The following RGS11 variants were observed in gnomAD, a reference collection of about 807,000 sequenced individuals.
The protein encoded by RGS11 is regulator of G protein signaling 11.
Under a neutral mutation model 71.1 loss-of-function variants are expected in RGS11, and 86 were observed. That is an observed-to-expected ratio of 1.21 (90% CI 1.02 to 1.45). RGS11 has a LOEUF of 1.45. Among genes scored for constraint, RGS11 ranks in the 40% most tolerant of loss-of-function variants. The pLI is 0.00. For synonymous variants in RGS11, 298 were observed against 254.2 expected (o/e 1.17, Z -1.64); for missense variants, 734 against 635.1 (o/e 1.16, Z -1.67).
Position 269,224 on chromosome 16 carries a change from G to T in RGS11, c.*45C>A. ...CGGGGGTGGCTGCTGCATTCACGCA[G>T]GACGTTGAGCTGCAGGGACTAGAGT... On this transcript the variant is annotated 3_prime_UTR_variant, in exon 17 of 17. Coordinates refer to ENST00000397770, the MANE Select transcript of RGS11 (RefSeq NM_183337.3). The T allele has an allele frequency of 2.2e-6, 3 of 1,363,254 alleles. No homozygotes were observed. Among genetic ancestry groups the T allele is most frequent in the Non-Finnish European group, 3.1e-6 (3 of 977,264 alleles). The allele number at this position is 1,363,254 out of a possible 1,614,324, so 84.4% of individuals were successfully genotyped here. A position where few individuals can be genotyped will look rare whatever the true frequency, so the allele number is the denominator to read the frequency against.
intron 1 of RGS11, 94 bp downstream of exon 1, chr16:275,755 C>T: frequency 4.3e-6 from 1 of 233,070 alleles, no homozygotes; most frequent in Non-Finnish European, 5.7e-6. Context: ...GCCCGCCCCG[C>T]CCCGCGCGCC....
In RGS11 at chr16:268,683, G is replaced by C; in HGVS notation, c.*586C>G. ...CCGGCGCACCTGTGGACAAATTCTG[G>C]AACGCGTTTGGCGAGGGAGGAATAG... On this transcript the variant is annotated 3_prime_UTR_variant, in exon 17 of 17. Coordinates refer to ENST00000397770, the MANE Select transcript of RGS11 (RefSeq NM_183337.3). 1 of 1,364,642 alleles carries C rather than the reference G, an allele frequency of 7.3e-7. No individual in the cohort carries two copies. The highest frequency in any genetic ancestry group is 1.0e-6 in the Non-Finnish European group (1 of 997,022). 84.5% of individuals were successfully genotyped at this position (1,364,642 alleles called of 1,614,324 possible). A position where few individuals can be genotyped will look rare whatever the true frequency, so the allele number is the denominator to read the frequency against.
Position 268,902 on chromosome 16 carries a change from G to A in RGS11, c.*367C>T, listed in dbSNP as rs751213654. ...CTGTGCATCTTGCTTCCGGGTATTC[G>A]CTGGCTGATTTACTGGTTTTAGAGA... On this transcript the variant is annotated 3_prime_UTR_variant, in exon 17 of 17. Coordinates refer to ENST00000397770, the MANE Select transcript of RGS11 (RefSeq NM_183337.3). 4.0e-5 allele frequency: 62 copies of A among 1,550,404 alleles called. No homozygotes were observed. The highest frequency in any genetic ancestry group is 5.0e-5 in the Non-Finnish European group (57 of 1,146,982).
intron 1 of RGS11, 88 bp downstream of exon 1, chr16:275,761 G>A: frequency 4.2e-6 from 1 of 240,190 alleles, no homozygotes; most frequent in East Asian, 7.8e-5. Context: ...CCCGCCCCGC[G>A]CGCCCCCGTG....
intron 6 of RGS11, 42 bp from the exon 7 acceptor site, chr16:273,878 C>A: frequency 6.3e-7 from 1 of 1,579,570 alleles, no homozygotes; most frequent in Non-Finnish European, 8.7e-7. Context: ...CCGGCCCCTG[C>A]CCCCAGTGAG....
intron 12 of RGS11, 30 bp from the exon 13 acceptor site, chr16:271,129 G>A (rs1335997718): frequency 6.2e-7 from 1 of 1,603,968 alleles, no homozygotes; most frequent in South Asian, 1.1e-5. Flanking sequence ...GTTGGGGAGG[G>A]TGGGGACTGA....
At chr16:274,631 C>A (rs753558058) in intron 4 of RGS11, 30 of 633,396 alleles carry the variant, frequency 4.7e-5, no homozygotes, top group Non-Finnish European at 7.6e-5. Context: ...TTAGGGAGGG[C>A]AGGAATGCTG....
chr16:273,003 C>CT (rs2052006039), intron 8 of RGS11, 72 bp from the exon 9 acceptor site: 1 of 1,327,902 alleles, frequency 7.5e-7, no homozygotes, highest in Non-Finnish European at 1.0e-6. Context: ...TAAGTTCCCC[C>CT]TCCCAGACCC....
Position 270,440 on chromosome 16 carries a change from G to A in RGS11, c.1206+83C>T, listed in dbSNP as rs2051876567. The A allele has an allele frequency of 1.1e-5, 16 of 1,460,624 alleles. No individual in the cohort carries two copies. In the South Asian group the frequency reaches 1.7e-4, roughly 16 times the overall value. The allele number at this position is 1,460,624 out of a possible 1,614,324, so 90.5% of individuals were successfully genotyped here. A position where few individuals can be genotyped will look rare whatever the true frequency, so the allele number is the denominator to read the frequency against. The stretch of plus-strand genomic sequence containing the variant: ...CAGAGTCAACGTGGGCAGTGCCTGT[G>A]CGGACAGAGCCCTTGAGGGTGGGGA... On this transcript the variant is annotated intron_variant, in intron 15 of 16. Coordinates refer to ENST00000397770, the MANE Select transcript of RGS11 (RefSeq NM_183337.3).
Position 273,518 on chromosome 16 carries a change from A to T in RGS11, c.545T>A (p.Ile182Asn). The T allele has an allele frequency of 6.4e-7, 1 of 1,558,154 alleles. No individual in the cohort carries two copies. Among genetic ancestry groups the T allele is most frequent in the South Asian group, 1.2e-5 (1 of 84,662 alleles). ...KQRSKGDRLV[I>N]ACQEQTYWLV... is the part of the protein sequence containing the mutation. ...CCAGTAGGTCTGCTCCTGGCACGCA[A>T]TGACCAGCCTGTCCCCCTTGCTGCG... The change falls in exon 8 of 17, where the codon ATT (isoleucine) becomes AAT (asparagine). Residue 182 changes from isoleucine to asparagine, a missense_variant. Transcript: ENST00000397770.
chr16:272,056 G>C (rs959218891), intron 9 of RGS11: 10 of 577,568 alleles, frequency 1.7e-5, no homozygotes, highest in Non-Finnish European at 2.4e-5. Flanking sequence ...AGCTGGTCTC[G>C]AACTCCTGAA....
At position 275,283 on chromosome 16, in the gene RGS11, C is replaced by T. The variant is rs2052118618; in HGVS notation, c.211G>A (p.Glu71Lys). ...LAQKFCVSEE[E>K]ALHLGAVLVQ... Reference sequence around the variant, plus strand: ...GCCCAGTGGGAGGCAGGGCGCTCACCCTCCTCCGAGACGCAGAACTTCTGG... The same window carrying T: ...GCCCAGTGGGAGGCAGGGCGCTCACTCTCCTCCGAGACGCAGAACTTCTGG... Residue 71 changes from glutamate to lysine, a missense_variant and splice_region_variant, in exon 3 of 17, where the codon GAG becomes AAG. Glu to Lys is a moderately conservative substitution (Grantham distance 56). Transcript: ENST00000397770. The T allele has an allele frequency of 1.2e-6, 2 of 1,612,466 alleles. No homozygotes were observed. Among genetic ancestry groups the T allele is most frequent in the Admixed American group, 1.7e-5 (1 of 60,002 alleles).
At position 270,784 on chromosome 16, in the gene RGS11, C is replaced by T. The variant is rs1326999895; in HGVS notation, c.1027G>A (p.Ala343Thr). The change falls in exon 14 of 17, where the codon GCG becomes ACG. Residue 343 changes from alanine (A) to threonine (T), a missense_variant. Ala to Thr is a moderately conservative substitution (Grantham distance 58). Transcript: ENST00000397770. ...ACCAGGGTGGGGACCTGGGCCTGCG[C>T]TCCATATCGAAGCTCCTCACATGCC... The part of the protein sequence containing the change: ...WEACEELRYG[A>T]QAQVPTLVDA... The T allele has an allele frequency of 5.0e-6, 8 of 1,612,618 alleles. No homozygotes were observed. Among genetic ancestry groups the T allele is most frequent in the Middle Eastern group, 1.6e-4 (1 of 6,062 alleles).
intron 14 of RGS11, 30 bp from the exon 15 acceptor site, chr16:270,691 C>A (rs528916891): frequency 1.4e-5 from 22 of 1,608,864 alleles, no homozygotes; most frequent in Non-Finnish European, 1.9e-5. Context: ...TGGGTAGTCT[C>A]GGCTGGGTGC....
intron 6 of RGS11, 58 bp from the exon 7 acceptor site, chr16:273,894 G>C (rs1567240032): frequency 1.9e-6 from 3 of 1,544,516 alleles, no homozygotes; most frequent in Non-Finnish European, 1.8e-6. Flanking sequence ...GTGAGACTGT[G>C]TGGGCAGTTG....
chr16:275,478 G>A lies in RGS11; in HGVS notation c.84C>T (p.Ser28=). 1 of 1,583,600 alleles carries A rather than the reference G, an allele frequency of 6.3e-7. No homozygotes were observed. Among genetic ancestry groups the A allele is most frequent in the Non-Finnish European group, 8.5e-7 (1 of 1,172,682 alleles). The change falls in exon 2 of 17, where the codon AGC becomes AGT. Residue 28 remains serine, a synonymous_variant. Coordinates refer to ENST00000397770, the MANE Select transcript of RGS11 (RefSeq NM_183337.3). Reference sequence around the variant, plus strand: ...TCACGCCCTGGTCGGGGTCCTGCATGCTCACGACCACCCGCTCCATCTGGG... The same window carrying A: ...TCACGCCCTGGTCGGGGTCCTGCATACTCACGACCACCCGCTCCATCTGGG... ...HLRKMERVVV[S]MQDPDQGVKM... is the part of the protein sequence containing the mutation.
At position 275,851 on chromosome 16, in the gene RGS11, TC is replaced by T; in HGVS notation, c.60del (p.Lys21ArgfsTer7). The T allele has an allele frequency of 9.4e-7, 1 of 1,059,970 alleles. No homozygotes were observed. The highest frequency in any genetic ancestry group is 1.2e-6 in the Non-Finnish European group (1 of 864,852). 65.7% of individuals were successfully genotyped at this position (1,059,970 alleles called of 1,614,324 possible). A position where few individuals can be genotyped will look rare whatever the true frequency, so the allele number is the denominator to read the frequency against. ...GRPRAQMPHL[R>X]KMERVVVSMQ... ...CGGGACACCCACCCGCCTCGCACCT[TC>T]CTCAGATGCGGCATCTGCGCCCGGG... On this transcript the variant is annotated frameshift_variant, in exon 1 of 17. Transcript: ENST00000397770. LOFTEE classifies it high-confidence loss of function.
chr16:274,693 G>A (rs1212330454), intron 4 of RGS11: 1 of 678,484 alleles, frequency 1.5e-6, no homozygotes, highest in Non-Finnish European at 2.7e-6. Context: ...GGGACCCCCA[G>A]GAAGATGGCA....
chr16:269,114 C>T lies in RGS11; in HGVS notation c.*155G>A. The T allele has an allele frequency of 1.1e-6, 1 of 886,228 alleles. No individual in the cohort carries two copies. The highest frequency in any genetic ancestry group is 1.8e-6 in the Non-Finnish European group (1 of 545,236). The allele number at this position is 886,228 out of a possible 1,614,324, so 54.9% of individuals were successfully genotyped here. The stretch of plus-strand genomic sequence containing the variant: ...GGAGGGCTTGCTGGAGGGAGGGAGG[C>T]TGTGCACCCCACAGAAGACTGGGCC... On this transcript the variant is annotated 3_prime_UTR_variant, in exon 17 of 17. Transcript: ENST00000397770.
Sources: gnomAD v4.1 joint callset for allele counts on GRCh38, gnomAD v4.1.1 for gene constraint, MANE v1.5 for transcripts, NCBI Gene and HGNC (gene_info 2026-07-23, HGNC 2026-07-21) for gene names.